Variants in PRKCE observed in about 807,000 individuals in gnomAD.
The protein encoded by PRKCE is protein kinase C epsilon type.
In PRKCE, 16 loss-of-function variants were observed where a neutral mutation model predicts 85.4. The ratio of observed to expected loss-of-function variants is 0.19; its 90% CI spans 0.13 to 0.28. The LOEUF is 0.28. PRKCE is among the 10% of genes least tolerant of loss of function. The probability of loss-of-function intolerance (pLI) is 1.00; values close to 1 mark genes in which losing one functional copy is unlikely to be tolerated. For missense variants in PRKCE, 573 were observed against 975.2 expected (o/e 0.59, Z 5.49); for synonymous variants, 388 against 371.5 (o/e 1.04, Z -0.51).
chr2:46,083,654 G>A (rs1050380549), intron 10 of PRKCE, among the ~76,000 whole-genome samples: 2 of 152,136 alleles, frequency 1.3e-5, no homozygotes, highest in Non-Finnish European at 2.9e-5. Flanking sequence ...TCAGAGTGTT[G>A]TCCCTGGCCT....
Position 45,792,509 on chromosome 2 carries a change from T to C in PRKCE, c.349-50491T>C, listed in dbSNP as rs569554607. Reference sequence around the variant, plus strand: ...CTAGAGAAGGGTGCCCTTCCCACCCTTTCCCTTCTATCAGCTTGTTCTGGT... The same window carrying C: ...CTAGAGAAGGGTGCCCTTCCCACCCCTTCCCTTCTATCAGCTTGTTCTGGT... On this transcript the variant is annotated intron_variant, in intron 1 of 14. Transcript: ENST00000306156. Among the ~76,000 whole-genome samples, 9 of 152,278 alleles carry C rather than the reference T, an allele frequency of 5.9e-5. No homozygotes were observed. The East Asian group carries it at 1.7e-3, about 29-fold the overall frequency.
At chr2:45,961,692 G>T (rs1285617327) in intron 2 of PRKCE, among the ~76,000 whole-genome samples, 1 of 130,094 alleles carries the variant, frequency 7.7e-6, no homozygotes, top group Non-Finnish European at 1.6e-5. Flanking sequence ...CCATTGCCAG[G>T]ATTCTTTTTT....
intron 1 of PRKCE, among the ~76,000 whole-genome samples, chr2:45,824,250 G>A (rs1689764569): frequency 6.6e-6 from 1 of 152,208 alleles, no homozygotes; most frequent in Non-Finnish European, 1.5e-5. Context: ...AATCATCTAA[G>A]GTAAACAGAC....
At chr2:45,866,738 C>T (rs1337839496) in intron 2 of PRKCE, among the ~76,000 whole-genome samples, 2 of 152,230 alleles carry the variant, frequency 1.3e-5, no homozygotes, top group African/African-American at 2.4e-5. Flanking sequence ...TTCAGTTCCC[C>T]TGTGACACCA....
At position 46,127,386 on chromosome 2, in the gene PRKCE, C is replaced by G. The variant is rs185105826; in HGVS notation, c.1593-17707C>G. 2.4e-4 allele frequency among the ~76,000 whole-genome samples: 37 copies of G among 152,262 alleles called. No homozygotes were observed. In the East Asian group the frequency reaches 6.6e-3, roughly 27 times the overall value. On this transcript the variant is annotated intron_variant, in intron 11 of 14. Coordinates refer to ENST00000306156, the MANE Select transcript of PRKCE (RefSeq NM_005400.3). The stretch of plus-strand genomic sequence containing the variant: ...TATATATATAAAAGAGAGAGCACGC[C>G]CTAAACCAGCATCTGATCCTAACCT...
intron 11 of PRKCE, among the ~76,000 whole-genome samples, chr2:46,125,709 C>T (rs1673783229): frequency 6.6e-6 from 1 of 152,178 alleles, no homozygotes; most frequent in Non-Finnish European, 1.5e-5. Flanking sequence ...TATACCTTCA[C>T]AGTATATACA....
intron 11 of PRKCE, among the ~76,000 whole-genome samples, chr2:46,131,729 G>A (rs554525894): frequency 1.3e-5 from 2 of 152,338 alleles, no homozygotes; most frequent in South Asian, 4.1e-4. Flanking sequence ...TCTCTGAATA[G>A]GGTTCTTCCC....
intron 12 of PRKCE, 47 bp from the exon 13 acceptor site, chr2:46,150,994 G>T (rs749754814): frequency 5.2e-6 from 8 of 1,546,052 alleles, no homozygotes; most frequent in South Asian, 1.2e-5. Context: ...GGTGTCACTG[G>T]GGTGGGAGCC....
chr2:45,770,956 A>C (rs1685279315), intron 1 of PRKCE: 1 of 151,816 alleles, frequency 6.6e-6, no homozygotes, highest in Non-Finnish European at 1.5e-5. Flanking sequence ...AAGTTTGGTC[A>C]TTGTTTATGC....
At chr2:45,917,152 G>A (rs1697857070) in intron 2 of PRKCE, among the ~76,000 whole-genome samples, 1 of 152,162 alleles carries the variant, frequency 6.6e-6, no homozygotes, top group African/African-American at 2.4e-5. Context: ...GTTTTGACAG[G>A]GCGCTGATTG....
chr2:45,994,486 T>TAA (rs1704063251), intron 6 of PRKCE, among the ~76,000 whole-genome samples: 1 of 152,220 alleles, frequency 6.6e-6, no homozygotes. Flanking sequence ...CTAAACTTTT[T>TAA]ACCATTTTCA....
intron 2 of PRKCE, among the ~76,000 whole-genome samples, chr2:45,976,092 C>G (rs751237): frequency 6.6e-6 from 1 of 151,974 alleles, no homozygotes; most frequent in African/African-American, 2.4e-5. Flanking sequence ...CAGTAAGATG[C>G]GAACCTTGAG....
At chr2:45,884,811 T>C (rs1695124162) in intron 2 of PRKCE, among the ~76,000 whole-genome samples, 1 of 151,746 alleles carries the variant, frequency 6.6e-6, no homozygotes, top group African/African-American at 2.4e-5. Flanking sequence ...AAAGACACCC[T>C]TTCTCCAACC....
At chr2:45,997,435 T>A (rs1384653431) in intron 6 of PRKCE, among the ~76,000 whole-genome samples, 1 of 152,106 alleles carries the variant, frequency 6.6e-6, no homozygotes. Flanking sequence ...TTTTAGAATG[T>A]TTTTCCTAAT....
At chr2:45,920,143 A>G (rs1420282281) in intron 2 of PRKCE, among the ~76,000 whole-genome samples, 1 of 152,244 alleles carries the variant, frequency 6.6e-6, no homozygotes, top group Non-Finnish European at 1.5e-5. Flanking sequence ...ATGTTTAGGC[A>G]GTCTGAATAA....
chr2:45,900,076 G>A (rs1267970698), intron 2 of PRKCE, among the ~76,000 whole-genome samples: 3 of 152,128 alleles, frequency 2.0e-5, no homozygotes, highest in African/African-American at 4.8e-5. Context: ...AGTGGGAACG[G>A]TTGCTTCGGA....
At chr2:46,011,832 C>G (rs1391011053) in intron 10 of PRKCE, among the ~76,000 whole-genome samples, 1 of 152,144 alleles carries the variant, frequency 6.6e-6, no homozygotes, top group East Asian at 1.9e-4. Flanking sequence ...GAACCCTGAT[C>G]CAGTGGAATT....
chr2:45,698,904 C>T (rs957690509), intron 1 of PRKCE, among the ~76,000 whole-genome samples: 2 of 152,086 alleles, frequency 1.3e-5, no homozygotes, highest in Admixed American at 6.5e-5. Context: ...AATTAACATC[C>T]ATGGACTTAG....
At chr2:45,847,553 T>G (rs749827443) in intron 2 of PRKCE, among the ~76,000 whole-genome samples, 1 of 143,440 alleles carries the variant, frequency 7.0e-6, no homozygotes, top group Non-Finnish European at 1.5e-5. Context: ...CTTTACCAAG[T>G]GCCCAGCAGT....
Sources: allele counts gnomAD v4.1 joint callset (sites outside exome capture counted in the v4.1 genomes callset), GRCh38; gene constraint gnomAD v4.1.1; transcripts MANE v1.5; gene names NCBI Gene and HGNC (gene_info 2026-07-23, HGNC 2026-07-21).